Variants in SEC31B observed in about 807,000 individuals in gnomAD.
The protein encoded by SEC31B is SEC31 homolog B, COPII component.
SEC31B carries 113 observed loss-of-function variants against 135.0 expected under a neutral mutation model. The observed-to-expected ratio is 0.84, with a 90% CI of 0.72 to 0.98. The LOEUF (loss-of-function observed/expected upper bound fraction) is 0.98. Among genes scored for constraint, SEC31B ranks in the 50% least tolerant of loss-of-function variants. The pLI, the probability that SEC31B is intolerant of heterozygous loss-of-function variation, is 0.00. For synonymous variants in SEC31B, 508 were observed against 549.4 expected, an observed-to-expected ratio of 0.92 and a Z score of 1.05; for missense variants, 1,296 against 1,421.1, an observed-to-expected ratio of 0.91 and a Z score of 1.42.
chr10:100,495,398 TG>T lies in SEC31B; in HGVS notation c.2458del (p.Gln820SerfsTer42). On this transcript the variant is annotated frameshift_variant, in exon 19 of 26. Coordinates refer to ENST00000370345, the MANE Select transcript of SEC31B (RefSeq NM_015490.4). LOFTEE classifies it high-confidence loss of function. ...ACGAGGTCTTACCTGGTGAGAAGGCTGGGATCCCAATCTGTAAGATGATGTC... is the reference window on the plus strand; with the variant it reads ...ACGAGGTCTTACCTGGTGAGAAGGCTGGATCCCAATCTGTAAGATGATGTC... Reference protein sequence around the residue: ...KETSSYRLGSQPSHQVPTPSP... With the variant: ...KETSSYRLGSXPSHQVPTPSP... 6.2e-7 allele frequency: 1 copy of T among 1,613,748 alleles called. No homozygotes were observed. Among genetic ancestry groups the T allele is most frequent in the Non-Finnish European group, 8.5e-7 (1 of 1,179,918 alleles).
chr10:100,505,402 G>C lies in SEC31B; in HGVS notation c.1138C>G (p.Pro380Ala). The change falls in exon 10 of 26, where the codon CCC becomes GCC. Residue 380 changes from proline to alanine, a missense_variant. Physicochemically the swap from Pro to Ala is conservative, Grantham distance 27. Coordinates refer to ENST00000370345, the MANE Select transcript of SEC31B (RefSeq NM_015490.4). ...GTTGGTCTTCTAATCCATTTGGGGG[G>C]TTTTTTCAGGGGAGGTATCAGTGGT... Reference protein sequence around the residue: ...QAPLIPPLKKPPKWIRRPTGV... With the variant: ...QAPLIPPLKKAPKWIRRPTGV... The C allele has an allele frequency of 1.9e-6, 3 of 1,612,004 alleles. No homozygotes were observed. The highest frequency in any genetic ancestry group is 2.5e-6 in the Non-Finnish European group (3 of 1,178,964).
intron 15 of SEC31B, 45 bp from the exon 16 acceptor site, chr10:100,497,838 G>A: frequency 1.2e-6 from 2 of 1,613,878 alleles, no homozygotes; most frequent in Non-Finnish European, 1.7e-6. Context: ...CATCCATCCA[G>A]CATAGGCAGC....
At chr10:100,495,624 G>T in intron 18 of SEC31B, 78 bp from the exon 19 acceptor site, 1 of 1,360,752 alleles carries the variant, frequency 7.3e-7, no homozygotes, top group Non-Finnish European at 1.0e-6. Flanking sequence ...AATTTCAGCT[G>T]ACCCTCTACA....
At chr10:100,517,939 T>C (rs1851879817) in intron 1 of SEC31B, among the ~76,000 whole-genome samples, 1 of 152,170 alleles carries the variant, frequency 6.6e-6, no homozygotes, top group Non-Finnish European at 1.5e-5. Flanking sequence ...TCTCAATCTG[T>C]CTACTTTTCT....
rs770769366 is a variant in SEC31B, at chr10:100,502,353, C to T, written c.1311G>A (p.Leu437=). The T allele has an allele frequency of 1.9e-6, 3 of 1,614,160 alleles. No homozygotes were observed. Among genetic ancestry groups the T allele is most frequent in the Non-Finnish European group, 2.5e-6 (3 of 1,180,010 alleles). ...ESEFLMRSAE[L]QEALGSGNLL... The stretch of plus-strand genomic sequence containing the variant: ...GATTTCCTGATCCCAAGGCCTCCTG[C>T]AGCTCAGCTGATCGCATCAGGAATT... Residue 437 remains leucine, a synonymous_variant, in exon 11 of 26, where the codon CTG becomes CTA. Coordinates refer to ENST00000370345, the MANE Select transcript of SEC31B (RefSeq NM_015490.4).
At chr10:100,518,908 T>C (rs1293663732) in intron 1 of SEC31B, among the ~76,000 whole-genome samples, 1 of 152,232 alleles carries the variant, frequency 6.6e-6, no homozygotes, top group East Asian at 1.9e-4. Context: ...CTCAACACTC[T>C]ACTATACAGT....
chr10:100,502,468 AC>A lies in SEC31B; in HGVS notation c.1195del (p.Val399LeufsTer20). The A allele has an allele frequency of 6.2e-7, 1 of 1,613,054 alleles. No individual in the cohort carries two copies. Among genetic ancestry groups the A allele is most frequent in the Non-Finnish European group, 8.5e-7 (1 of 1,179,646 alleles). On this transcript the variant is annotated frameshift_variant, in exon 11 of 26. Coordinates refer to ENST00000370345, the MANE Select transcript of SEC31B (RefSeq NM_015490.4). LOFTEE classifies it high-confidence loss of function. Reference protein sequence around the residue: ...GVSFAFGGKLVTFGLPSTPAH... With the variant: ...GVSFAFGGKLXTFGLPSTPAH... Reference sequence around the variant, plus strand: ...AGGGGTGCTGGGGAGGCCAAAAGTAACCAGCTTCCCTCCAAACTGGTGAGGA... The same window carrying A: ...AGGGGTGCTGGGGAGGCCAAAAGTAACAGCTTCCCTCCAAACTGGTGAGGA...
chr10:100,500,257 C>G (rs1286318859), intron 11 of SEC31B: 2 of 452,910 alleles, frequency 4.4e-6, no homozygotes. Context: ...TATCCCATAT[C>G]CTTCCGAGGA....
At chr10:100,506,252 A>T in intron 8 of SEC31B, 51 bp from the exon 9 acceptor site, 1 of 1,614,016 alleles carries the variant, frequency 6.2e-7, no homozygotes, top group Non-Finnish European at 8.5e-7. Context: ...CCCAAAACAC[A>T]TGGCTGCAGC....
In SEC31B at chr10:100,509,445, G is replaced by T. The variant is rs145607458; in HGVS notation, c.270C>A (p.Gly90=). The change falls in exon 4 of 26, where the codon GGC becomes GGA. Residue 90 remains glycine (G), a synonymous_variant. Coordinates refer to ENST00000370345, the MANE Select transcript of SEC31B (RefSeq NM_015490.4). ...GAATAAGCATGCCATTGTCCCCGCC[G>T]CCAACAATAACCCCGGAGCTTTCCA... The part of the protein sequence containing the change: ...GLLESSGVIV[G]GGDNGMLILY... 1 of 1,613,890 alleles carries T rather than the reference G, an allele frequency of 6.2e-7. No homozygotes were observed. The highest frequency in any genetic ancestry group is 1.3e-5 in the African/African-American group (1 of 74,900).
At chr10:100,501,066 CAA>C (rs35965884) in intron 11 of SEC31B, among the ~76,000 whole-genome samples, 11 of 133,138 alleles carry the variant, frequency 8.3e-5, no homozygotes, top group East Asian at 4.4e-4. Flanking sequence ...ACAAAAAATA[CAA>C]AAAAAAAAAA....
chr10:100,489,580 A>G, intron 22 of SEC31B, 123 bp downstream of exon 22: 1 of 1,452,392 alleles, frequency 6.9e-7, no homozygotes, highest in South Asian at 1.2e-5. Flanking sequence ...TGAGGAAAGA[A>G]GAGTAAGTGG....
rs1246105718 is a variant in SEC31B at position 100,487,409 on chromosome 10, G to A, written c.*207C>T. 1 of 587,426 alleles carries A rather than the reference G, an allele frequency of 1.7e-6. No individual in the cohort carries two copies. The highest frequency in any genetic ancestry group is 3.0e-6 in the Non-Finnish European group (1 of 331,316). The allele number at this position is 587,426 out of a possible 1,614,324, so 36.4% of individuals were successfully genotyped here. On this transcript the variant is annotated 3_prime_UTR_variant, in exon 26 of 26. Transcript: ENST00000370345. ...ATGCCCTGCCTCCAGGCCTGAGAGT[G>A]TCTTGGACAGATCCTAGAAGGCCAG...
rs533823742 is a variant in SEC31B, at chr10:100,509,314, A to T, written c.399+2T>A. ...CATGTTTGACTAACTGAAATGTAGT[A>T]CCTGGAAAGGATTCAAGTCGAGGGC... is the stretch of plus-strand genomic sequence containing the variant. On this transcript the variant is annotated splice_donor_variant, in intron 4 of 25. Transcript: ENST00000370345. LOFTEE classifies it high-confidence loss of function. 1 of 1,612,844 alleles carries T rather than the reference A, an allele frequency of 6.2e-7. No individual in the cohort carries two copies. Among genetic ancestry groups the T allele is most frequent in the Admixed American group, 1.7e-5 (1 of 59,950 alleles).
chr10:100,490,973 C>T (rs1167989556), intron 19 of SEC31B, 90 bp from the exon 20 acceptor site: 5 of 917,400 alleles, frequency 5.5e-6, no homozygotes, highest in Non-Finnish European at 7.4e-6. Context: ...ATTAATGAAA[C>T]AAAAACTAGT....
At chr10:100,505,314 AC>A in intron 10 of SEC31B, 46 bp downstream of exon 10, 1 of 1,599,802 alleles carries the variant, frequency 6.3e-7, no homozygotes, top group Non-Finnish European at 8.5e-7. Flanking sequence ...ACACACACAC[AC>A]ACACACACAC....
In SEC31B at chr10:100,508,022, A is replaced by G; in HGVS notation, c.525T>C (p.Ser175=). The G allele has an allele frequency of 6.2e-7, 1 of 1,614,218 alleles. No individual in the cohort carries two copies. Among genetic ancestry groups the G allele is most frequent in the Non-Finnish European group, 8.5e-7 (1 of 1,180,040 alleles). ...GAATGTGTTGGGCTTGCCGGTTCCA[A>G]GACAGTGCCTTGATGTCCTCTGGAG... ...QQPPEDIKAL[S]WNRQAQHILS... Residue 175 remains serine, a synonymous_variant, in exon 6 of 26, where the codon TCT becomes TCC. Coordinates refer to ENST00000370345, the MANE Select transcript of SEC31B (RefSeq NM_015490.4).
chr10:100,489,599 C>T (rs1033222973), intron 22 of SEC31B, 104 bp downstream of exon 22: 9 of 1,529,132 alleles, frequency 5.9e-6, no homozygotes, highest in Admixed American at 3.5e-5. Flanking sequence ...GGGAGGAGGG[C>T]GGGGACAGTC....
At chr10:100,495,117 C>A in intron 19 of SEC31B, 1 of 401,166 alleles carries the variant, frequency 2.5e-6, no homozygotes, top group Non-Finnish European at 4.7e-6. Context: ...TGAGCCACCA[C>A]GCCAGGCCTA....
Sources: allele counts gnomAD v4.1 joint callset (sites outside exome capture counted in the v4.1 genomes callset), GRCh38; gene constraint gnomAD v4.1.1; transcripts MANE v1.5; gene names NCBI Gene and HGNC (gene_info 2026-07-23, HGNC 2026-07-21).